Variants in SNTG1 observed in about 807,000 individuals in gnomAD.
SNTG1 encodes syntrophin gamma 1.
A neutral mutation model predicts 74.7 loss-of-function variants in SNTG1; 39 were observed. The observed-to-expected ratio is 0.52, with a 90% CI of 0.40 to 0.68. SNTG1 has a LOEUF of 0.68. Ranked by LOEUF, SNTG1 falls within the 30% of genes least tolerant of loss-of-function variation. SNTG1 has a pLI of 0.00. For missense variants in SNTG1, 685 were observed against 609.5 expected, an observed-to-expected ratio of 1.12 and a Z score of -1.30; for synonymous variants, 254 against 217.1, an observed-to-expected ratio of 1.17 and a Z score of -1.49.
intron 2 of SNTG1, among the ~76,000 whole-genome samples, chr8:50,273,440 A>G (rs554775414): frequency 3.0e-4 from 46 of 152,366 alleles, no homozygotes; most frequent in African/African-American, 1.1e-3. Context: ...AATAACCAAA[A>G]GAGAAAAATA....
intron 2 of SNTG1, among the ~76,000 whole-genome samples, chr8:50,203,324 C>T (rs759006778): frequency 6.6e-5 from 10 of 152,130 alleles, no homozygotes; most frequent in Non-Finnish European, 1.0e-4. Context: ...CTTTAGGGCT[C>T]CAGCAGCCCA....
At chr8:50,127,859 T>C (rs1461826100) in intron 1 of SNTG1, among the ~76,000 whole-genome samples, 4 of 152,166 alleles carry the variant, frequency 2.6e-5, no homozygotes, top group African/African-American at 7.2e-5. Flanking sequence ...GTCCAATTGT[T>C]TTGTTTTTCT....
chr8:50,707,748 A>G lies in SNTG1; in HGVS notation c.1192-1138A>G, dbSNP rs923465547. On this transcript the variant is annotated intron_variant, in intron 16 of 18. Coordinates refer to ENST00000642720, the MANE Select transcript of SNTG1 (RefSeq NM_018967.5). ...CTCTCATCTTGTACATGGATCACAAATATTTTTCATGATTGGAATATCCCA... is the reference window on the plus strand; with the variant it reads ...CTCTCATCTTGTACATGGATCACAAGTATTTTTCATGATTGGAATATCCCA... 1.6e-4 allele frequency: 43 copies of G among 271,460 alleles called. No individual in the cohort carries two copies. The East Asian group carries it at 2.5e-3, about 15-fold the overall frequency. 16.8% of individuals were successfully genotyped at this position (271,460 alleles called of 1,614,324 possible). A position where few individuals can be genotyped will look rare whatever the true frequency, so the allele number is the denominator to read the frequency against.
chr8:50,299,315 CCTT>C (rs1450628665), intron 2 of SNTG1, among the ~76,000 whole-genome samples: 2 of 152,054 alleles, frequency 1.3e-5, no homozygotes, highest in Non-Finnish European at 2.9e-5. Context: ...TCCTCTTTCT[CCTT>C]CTTCAACTTC....
intron 15 of SNTG1, among the ~76,000 whole-genome samples, chr8:50,694,033 T>G (rs1475540135): frequency 6.6e-6 from 1 of 151,796 alleles, no homozygotes; most frequent in Non-Finnish European, 1.5e-5. Flanking sequence ...AGCAACCTAA[T>G]GTTACACCTC....
At chr8:50,662,379 G>C (rs1287710970) in intron 15 of SNTG1, among the ~76,000 whole-genome samples, 1 of 152,146 alleles carries the variant, frequency 6.6e-6, no homozygotes, top group African/African-American at 2.4e-5. Context: ...AGGTTTATCT[G>C]GTACATATAG....
intron 2 of SNTG1, among the ~76,000 whole-genome samples, chr8:50,234,711 C>A (rs750700520): frequency 2.0e-5 from 3 of 151,996 alleles, no homozygotes; most frequent in Non-Finnish European, 4.4e-5. Flanking sequence ...AATATTGCTA[C>A]TATTAGTATT....
At chr8:50,106,466 G>T (rs370836914) in intron 1 of SNTG1, among the ~76,000 whole-genome samples, 2 of 152,078 alleles carry the variant, frequency 1.3e-5, no homozygotes, top group Non-Finnish European at 1.5e-5. Context: ...GAATAGTGAG[G>T]GTTGGCCATC....
intron 1 of SNTG1, among the ~76,000 whole-genome samples, chr8:50,065,155 A>C (rs1302797026): frequency 1.6e-4 from 24 of 152,236 alleles, no homozygotes; most frequent in Admixed American, 1.2e-3. Flanking sequence ...GAGTCAATAA[A>C]ATAATCAATT....
chr8:50,639,592 T>G (rs897936122), intron 13 of SNTG1, among the ~76,000 whole-genome samples: 13 of 152,024 alleles, frequency 8.6e-5, no homozygotes, highest in Admixed American at 2.0e-4. Flanking sequence ...TGTGCAATCA[T>G]GCTTATAATG....
At chr8:50,482,238 T>A (rs183566225) in intron 8 of SNTG1, among the ~76,000 whole-genome samples, 1 of 152,260 alleles carries the variant, frequency 6.6e-6, no homozygotes, top group East Asian at 1.9e-4. Context: ...CTCTTTTTCC[T>A]CCTCTTCTTA....
At chr8:50,295,879 T>G (rs753970792) in intron 2 of SNTG1, among the ~76,000 whole-genome samples, 5 of 152,264 alleles carry the variant, frequency 3.3e-5, no homozygotes, top group South Asian at 4.2e-4. Context: ...CCTAATTTCA[T>G]TCTAGAGGCT....
chr8:50,652,253 T>C (rs1190988851), intron 13 of SNTG1, among the ~76,000 whole-genome samples: 1 of 152,162 alleles, frequency 6.6e-6, no homozygotes, highest in Admixed American at 6.5e-5. Context: ...TATAAAGGTG[T>C]AATCACTTCT....
chr8:50,587,206 A>G (rs1563614953), intron 12 of SNTG1, among the ~76,000 whole-genome samples: 1 of 151,618 alleles, frequency 6.6e-6, no homozygotes, highest in Non-Finnish European at 1.5e-5. Flanking sequence ...ATACATACAT[A>G]TATGTATATA....
intron 1 of SNTG1, among the ~76,000 whole-genome samples, chr8:49,940,693 A>G (rs1411260126): frequency 6.6e-6 from 1 of 152,188 alleles, no homozygotes; most frequent in Non-Finnish European, 1.5e-5. Flanking sequence ...ACAACAGAGA[A>G]CTCAAAACAG....
At chr8:50,415,071 A>G (rs2092998057) in intron 4 of SNTG1, among the ~76,000 whole-genome samples, 1 of 152,196 alleles carries the variant, frequency 6.6e-6, no homozygotes, top group Admixed American at 6.6e-5. Flanking sequence ...TGGATGAGTA[A>G]TTTGAGCTGC....
chr8:50,594,952 T>C (rs1397604318), intron 13 of SNTG1, among the ~76,000 whole-genome samples: 4 of 151,944 alleles, frequency 2.6e-5, no homozygotes, highest in East Asian at 1.9e-4. Flanking sequence ...ATAATAATGA[T>C]GCATACCCTA....
intron 4 of SNTG1, among the ~76,000 whole-genome samples, chr8:50,412,878 G>A (rs530900129): frequency 1.3e-5 from 2 of 152,300 alleles, no homozygotes; most frequent in East Asian, 1.9e-4. Context: ...GGTGCAAAGT[G>A]TATTGGTGGG....
At chr8:50,542,301 G>A (rs929444590) in intron 11 of SNTG1, among the ~76,000 whole-genome samples, 12 of 151,152 alleles carry the variant, frequency 7.9e-5, no homozygotes, top group East Asian at 2.0e-4. Flanking sequence ...GATTACAGGC[G>A]CACCCCACCA....
Sources: allele counts gnomAD v4.1 joint callset (sites outside exome capture counted in the v4.1 genomes callset), GRCh38; gene constraint gnomAD v4.1.1; transcripts MANE v1.5; gene names NCBI Gene and HGNC (gene_info 2026-07-23, HGNC 2026-07-21).